MYO3B: variants seen among roughly 807,000 people sequenced by gnomAD.
MYO3B encodes myosin-IIIb.
MYO3B carries 156 observed loss-of-function variants against 174.6 expected under a neutral mutation model. The ratio of observed to expected loss-of-function variants is 0.89; its 90% confidence interval spans 0.78 to 1.02. The LOEUF (loss-of-function observed/expected upper bound fraction) is 1.02. Among genes scored for constraint, MYO3B ranks in the 50% least tolerant of loss-of-function variants. The probability of loss-of-function intolerance (pLI) is 0.00; values close to 1 mark genes in which losing one functional copy is unlikely to be tolerated. For synonymous variants in MYO3B, 563 were observed against 569.1 expected, an observed-to-expected ratio of 0.99 and a Z score of 0.15; for missense variants, 1,632 against 1,639.4, an observed-to-expected ratio of 1.00 and a Z score of 0.08.
intron 7 of MYO3B, among the ~76,000 whole-genome samples, chr2:170,240,959 A>G (rs2093124991): frequency 6.6e-6 from 1 of 152,196 alleles, no homozygotes; most frequent in Admixed American, 6.5e-5. Context: ...AATACATGTT[A>G]CATAAAAGTA....
intron 30 of MYO3B, among the ~76,000 whole-genome samples, chr2:170,532,253 C>G (rs1559090116): frequency 6.6e-6 from 1 of 152,132 alleles, no homozygotes; most frequent in Non-Finnish European, 1.5e-5. Flanking sequence ...GGCCTGTAGG[C>G]TCCAAAATGA....
At chr2:170,434,807 T>TGA (rs2094739409) in intron 22 of MYO3B, among the ~76,000 whole-genome samples, 1 of 152,200 alleles carries the variant, frequency 6.6e-6, no homozygotes, top group Non-Finnish European at 1.5e-5. Flanking sequence ...ACCACAGGCG[T>TGA]GGCACCACGC....
chr2:170,627,771 C>G (rs1014460325), intron 32 of MYO3B, among the ~76,000 whole-genome samples: 2 of 152,164 alleles, frequency 1.3e-5, no homozygotes, highest in African/African-American at 2.4e-5. Context: ...TTCTAACAGT[C>G]AGGACCTTCA....
intron 25 of MYO3B, among the ~76,000 whole-genome samples, chr2:170,481,868 G>T (rs555739697): frequency 6.6e-6 from 1 of 152,286 alleles, no homozygotes; most frequent in Admixed American, 6.5e-5. Flanking sequence ...AACTGTGTGT[G>T]TTGGTGCCTT....
At chr2:170,193,582 T>C (rs941788013) in intron 1 of MYO3B, among the ~76,000 whole-genome samples, 2 of 152,152 alleles carry the variant, frequency 1.3e-5, no homozygotes, top group African/African-American at 4.8e-5. Context: ...CCTCTCTTAC[T>C]CCACAGATTG....
At chr2:170,615,176 A>G (rs1371790996) in intron 32 of MYO3B, among the ~76,000 whole-genome samples, 1 of 152,006 alleles carries the variant, frequency 6.6e-6, no homozygotes, top group Non-Finnish European at 1.5e-5. Flanking sequence ...AAAACCCAAC[A>G]TATCTAGCTC....
At chr2:170,641,858 T>TGGGGG (rs71008706) in intron 32 of MYO3B, among the ~76,000 whole-genome samples, 13 of 28,844 alleles carry the variant, frequency 4.5e-4, no homozygotes, top group Admixed American at 5.0e-4. Context: ...TATTGTTAAG[T>TGGGGG]GGGGGGGGGG....
At chr2:170,580,718 A>ATATATATATATATATATATG (rs768974458) in intron 32 of MYO3B, among the ~76,000 whole-genome samples, 1 of 142,702 alleles carries the variant, frequency 7.0e-6, no homozygotes, top group Admixed American at 7.0e-5. Context: ...AACCTTATAT[A>ATATATATATATATATATATG]TGTGTGTGTG....
At chr2:170,384,152 T>C (rs1252166974) in intron 12 of MYO3B, among the ~76,000 whole-genome samples, 2 of 152,204 alleles carry the variant, frequency 1.3e-5, no homozygotes, top group Admixed American at 1.3e-4. Context: ...AAATAGCATA[T>C]AGAATGGCAT....
chr2:170,387,367 G>A lies in MYO3B; in HGVS notation c.1577+59G>A, dbSNP rs2094384274. The A allele has an allele frequency of 2.5e-5, 37 of 1,506,814 alleles. No individual in the cohort carries two copies. The South Asian group carries it at 4.1e-4, about 17-fold the overall frequency. The allele number at this position is 1,506,814 out of a possible 1,614,324, so 93.3% of individuals were successfully genotyped here. ...CTGCAGTAAAAACTGGGAGACTTTG[G>A]AAATTTTAATGGTTCAGTTTTCATT... On this transcript the variant is annotated intron_variant, in intron 14 of 34. Coordinates refer to ENST00000408978, the MANE Select transcript of MYO3B (RefSeq NM_138995.5).
chr2:170,569,777 A>G (rs968513414), intron 32 of MYO3B, among the ~76,000 whole-genome samples: 1 of 150,698 alleles, frequency 6.6e-6, no homozygotes, highest in African/African-American at 2.4e-5. Flanking sequence ...CAGGAGAATC[A>G]CTTGAACCCT....
At chr2:170,351,173 C>G (rs542865129) in intron 8 of MYO3B, 1 of 152,154 alleles carries the variant, frequency 6.6e-6, no homozygotes, top group East Asian at 1.9e-4. Flanking sequence ...GTCACAGGTC[C>G]GCAGGTATCA....
chr2:170,351,486 C>T (rs1301711572), intron 8 of MYO3B, among the ~76,000 whole-genome samples: 7 of 152,046 alleles, frequency 4.6e-5, no homozygotes, highest in Non-Finnish European at 1.0e-4. Flanking sequence ...CCTGTGGCTG[C>T]CACAGTCATA....
intron 7 of MYO3B, among the ~76,000 whole-genome samples, chr2:170,290,370 G>T (rs934199293): frequency 2.0e-5 from 3 of 152,148 alleles, no homozygotes; most frequent in Non-Finnish European, 2.9e-5. Flanking sequence ...ACTGTTGGGT[G>T]CATATATACT....
At chr2:170,359,752 C>A (rs980952176) in intron 8 of MYO3B, among the ~76,000 whole-genome samples, 3 of 152,170 alleles carry the variant, frequency 2.0e-5, no homozygotes, top group African/African-American at 7.2e-5. Flanking sequence ...AACTCTTGCT[C>A]CTAGTTAGAA....
At position 170,624,363 on chromosome 2, in the gene MYO3B, G is replaced by C. The variant is rs187777211; in HGVS notation, c.3734-27265G>C. On this transcript the variant is annotated intron_variant, in intron 32 of 34. Transcript: ENST00000408978. ...GTGAATGGGAGTTCACTCATGATTT[G>C]TCTGTCTGTTATTGGTGTATAAGAC... Among the ~76,000 whole-genome samples, 82 of 152,168 alleles carry C rather than the reference G, an allele frequency of 5.4e-4. 3 individuals carry two copies. In the South Asian group the frequency reaches 0.012, roughly 22 times the overall value.
At chr2:170,235,189 T>C (rs2093056917) in intron 6 of MYO3B, among the ~76,000 whole-genome samples, 1 of 152,190 alleles carries the variant, frequency 6.6e-6, no homozygotes, top group Admixed American at 6.5e-5. Context: ...GGTGGCAGAT[T>C]TTAGGTCAAA....
intron 32 of MYO3B, among the ~76,000 whole-genome samples, chr2:170,630,191 GAC>G (rs1696829734): frequency 6.6e-6 from 1 of 152,298 alleles, no homozygotes; most frequent in Admixed American, 6.5e-5. Context: ...GGAAAATCGG[GAC>G]ACTCCACCTA....
intron 32 of MYO3B, among the ~76,000 whole-genome samples, chr2:170,624,035 C>A (rs1696173622): frequency 1.3e-5 from 2 of 152,066 alleles, no homozygotes; most frequent in Admixed American, 6.6e-5. Context: ...CTTTTGGCTT[C>A]AGATTGACTT....
Sources: gnomAD v4.1 joint callset for allele counts (sites outside exome capture counted in the v4.1 genomes callset) on GRCh38, gnomAD v4.1.1 for gene constraint, MANE v1.5 for transcripts, NCBI Gene and HGNC (gene_info 2026-07-23, HGNC 2026-07-21) for gene names.